MMS22L: variants seen among roughly 807,000 people sequenced by gnomAD.
The protein encoded by MMS22L is MMS22 like, DNA repair protein.
A neutral mutation model predicts 159.1 loss-of-function variants in MMS22L; 74 were observed. That is an observed-to-expected ratio of 0.47 (90% CI 0.39 to 0.56). The LOEUF (loss-of-function observed/expected upper bound fraction) is 0.56. MMS22L is among the 20% of genes least tolerant of loss of function. The probability of loss-of-function intolerance (pLI) is 0.00; values close to 1 mark genes in which losing one functional copy is unlikely to be tolerated. For missense variants in MMS22L, 1,351 were observed against 1,422.1 expected (o/e 0.95, Z 0.80); for synonymous variants, 517 against 506.9 (o/e 1.02, Z -0.27).
chr6:97,190,607 GACCAGC>G (rs556970436), intron 14 of MMS22L, among the ~76,000 whole-genome samples: 113 of 152,298 alleles, frequency 7.4e-4, no homozygotes, highest in African/African-American at 2.7e-3. Context: ...TTTACTATGA[GACCAGC>G]ACCATGCAAA....
At chr6:97,161,109 T>G (rs945829986) in intron 22 of MMS22L, among the ~76,000 whole-genome samples, 1 of 152,066 alleles carries the variant, frequency 6.6e-6, no homozygotes, top group African/African-American at 2.4e-5. Flanking sequence ...ATGGATTGTA[T>G]GTGTCTGTTT....
chr6:97,245,326 C>T (rs1014354440), intron 11 of MMS22L, among the ~76,000 whole-genome samples: 2 of 151,868 alleles, frequency 1.3e-5, no homozygotes, highest in South Asian at 2.1e-4. Context: ...GAAAATTAAA[C>T]CCCTAGTTAC....
intron 22 of MMS22L, among the ~76,000 whole-genome samples, chr6:97,157,670 G>A (rs986790031): frequency 6.6e-6 from 1 of 152,120 alleles, no homozygotes; most frequent in Non-Finnish European, 1.5e-5. Context: ...GGATGAAGCC[G>A]ACTTGATCGT....
intron 10 of MMS22L, among the ~76,000 whole-genome samples, chr6:97,250,207 T>C (rs540365571): frequency 6.6e-6 from 1 of 152,158 alleles, no homozygotes; most frequent in Non-Finnish European, 1.5e-5. Context: ...AATTTGAGGC[T>C]ACATTTTATA....
chr6:97,213,416 G>A (rs979960994), intron 14 of MMS22L, among the ~76,000 whole-genome samples: 1 of 151,892 alleles, frequency 6.6e-6, no homozygotes, highest in Non-Finnish European at 1.5e-5. Context: ...CAAAAAAAAA[G>A]AAAGAGGTTG....
At chr6:97,153,157 A>G (rs1463008562) in intron 22 of MMS22L, among the ~76,000 whole-genome samples, 1 of 152,072 alleles carries the variant, frequency 6.6e-6, no homozygotes, top group Non-Finnish European at 1.5e-5. Flanking sequence ...ATTTCTTAAA[A>G]GAAGAGCTTT....
intron 12 of MMS22L, among the ~76,000 whole-genome samples, chr6:97,233,126 C>T (rs1811044520): frequency 6.6e-6 from 1 of 151,882 alleles, no homozygotes; most frequent in South Asian, 2.1e-4. Flanking sequence ...TATTTAGTGT[C>T]TCCTGAATAA....
chr6:97,172,865 GTA>G (rs1474378402), intron 19 of MMS22L, among the ~76,000 whole-genome samples, 196 bp downstream of exon 19: 10 of 152,086 alleles, frequency 6.6e-5, no homozygotes, highest in South Asian at 2.1e-4. Flanking sequence ...ACAATCAAAA[GTA>G]TTGAAAAGAG....
intron 11 of MMS22L, among the ~76,000 whole-genome samples, chr6:97,242,616 A>G (rs1054355205): frequency 6.6e-6 from 1 of 152,122 alleles, no homozygotes; most frequent in African/African-American, 2.4e-5. Context: ...GTAAGGTACT[A>G]TTCTATTCAC....
At chr6:97,215,091 AATATAT>A (rs1167446221) in intron 14 of MMS22L, among the ~76,000 whole-genome samples, 5 of 141,294 alleles carry the variant, frequency 3.5e-5, no homozygotes, top group African/African-American at 1.3e-4. Flanking sequence ...TCATGTTTTA[AATATAT>A]ATATATATAT....
rs767943798 is a variant in MMS22L, at chr6:97,181,899, C to G, written c.2384+5G>C. On this transcript the variant is annotated splice_donor_5th_base_variant and intron_variant, in intron 16 of 24. Coordinates refer to ENST00000683635, the MANE Select transcript of MMS22L (RefSeq NM_001350599.2). ...AATGTGTATGCCTGAAATAAAAGCA[C>G]GTACCTATTTTGTAGGACATGACTT... 2 of 1,609,942 alleles carry G rather than the reference C, an allele frequency of 1.2e-6. No individual in the cohort carries two copies. The highest frequency in any genetic ancestry group is 2.2e-5 in the South Asian group (2 of 90,190).
At chr6:97,252,411 G>A (rs1378879272) in intron 10 of MMS22L, among the ~76,000 whole-genome samples, 1 of 143,964 alleles carries the variant, frequency 6.9e-6, no homozygotes, top group African/African-American at 2.5e-5. Flanking sequence ...CAGATTAACT[G>A]AGGTAGGCAG....
At position 97,269,870 on chromosome 6, in the gene MMS22L, A is replaced by G. The variant is rs186620283; in HGVS notation, c.697+32T>C. On this transcript the variant is annotated intron_variant, in intron 7 of 24. Transcript: ENST00000683635. ...AAAAAGCAATAAAAGCTGATTTTAA[A>G]AAGAATATAAATCATAAATCCATAA... 1.8e-4 allele frequency: 267 copies of G among 1,483,430 alleles called. 3 individuals are homozygous for G. In the African/African-American group the frequency reaches 3.1e-3, roughly 17 times the overall value. 91.9% of individuals were successfully genotyped at this position (1,483,430 alleles called of 1,614,324 possible).
chr6:97,270,141 G>A, intron 6 of MMS22L, 149 bp from the exon 7 acceptor site: 1 of 656,488 alleles, frequency 1.5e-6, no homozygotes, highest in Non-Finnish European at 2.7e-6. Context: ...CCTCTGTCTT[G>A]TTCATTAGAG....
chr6:97,211,542 G>A (rs1327140433), intron 14 of MMS22L, among the ~76,000 whole-genome samples: 3 of 152,008 alleles, frequency 2.0e-5, no homozygotes, highest in African/African-American at 7.2e-5. Context: ...AGAAAAAAAG[G>A]AAGTTGCACA....
chr6:97,282,041 T>C (rs1363912462), intron 2 of MMS22L, among the ~76,000 whole-genome samples: 3 of 152,196 alleles, frequency 2.0e-5, no homozygotes, highest in African/African-American at 7.2e-5. Flanking sequence ...AGTTAGGAAT[T>C]CATTTTAAGT....
rs771533477 is a variant in MMS22L at position 97,149,935 on chromosome 6, C to A, written c.3568G>T (p.Val1190Phe). Residue 1190 changes from valine to phenylalanine, a missense_variant, in exon 24 of 25, where the codon GTC becomes TTC. Coordinates refer to ENST00000683635, the MANE Select transcript of MMS22L (RefSeq NM_001350599.2). Reference protein sequence around the residue: ...ETVATLDQQVVIHLISTLTQS... With the variant: ...ETVATLDQQVFIHLISTLTQS... ...GTAAGGGTAGAAATCAAGTGGATGA[C>A]AACCTGCTGGTCCAATGTTGCTACT... The A allele has an allele frequency of 1.2e-6, 2 of 1,613,618 alleles. No individual in the cohort carries two copies. Among genetic ancestry groups the A allele is most frequent in the East Asian group, 4.5e-5 (2 of 44,838 alleles).
chr6:97,213,424 T>C (rs1442702405), intron 14 of MMS22L, among the ~76,000 whole-genome samples: 1 of 149,192 alleles, frequency 6.7e-6, no homozygotes, highest in African/African-American at 2.5e-5. Flanking sequence ...AAGAAAGAGG[T>C]TGTAGAAATT....
intron 11 of MMS22L, among the ~76,000 whole-genome samples, chr6:97,236,056 G>A (rs1048253257): frequency 2.6e-5 from 4 of 152,066 alleles, no homozygotes; most frequent in East Asian, 1.9e-4. Context: ...GGCCAGGCAC[G>A]GTGGTTCACA....
Sources: allele counts gnomAD v4.1 joint callset (sites outside exome capture counted in the v4.1 genomes callset), GRCh38; gene constraint gnomAD v4.1.1; transcripts MANE v1.5; gene names NCBI Gene and HGNC (gene_info 2026-07-23, HGNC 2026-07-21).